Variants in CCDC68 observed in about 807,000 individuals in gnomAD.
CCDC68 encodes the protein coiled-coil domain containing 68.
A neutral mutation model predicts 47.1 loss-of-function variants in CCDC68; 45 were observed. The ratio of observed to expected loss-of-function variants is 0.96; its 90% confidence interval spans 0.75 to 1.23. CCDC68 has a LOEUF of 1.23. CCDC68 is among the 50% of genes most tolerant of loss of function. The pLI is 0.00. For missense variants in CCDC68, 353 were observed against 373.6 expected, an observed-to-expected ratio of 0.94 and a Z score of 0.45; for synonymous variants, 131 against 129.5, an observed-to-expected ratio of 1.01 and a Z score of -0.08.
At chr18:54,950,030 T>C (rs1173151131) in intron 1 of CCDC68, among the ~76,000 whole-genome samples, 1 of 152,166 alleles carries the variant, frequency 6.6e-6, no homozygotes, top group Non-Finnish European at 1.5e-5. Flanking sequence ...GATCCTCCCA[T>C]TTTCCAAACC....
chr18:54,933,229 G>A (rs961874467), intron 7 of CCDC68, among the ~76,000 whole-genome samples: 152 of 152,008 alleles, frequency 1.0e-3, no homozygotes, highest in African/African-American at 3.6e-3. Context: ...CTAAAGGTGC[G>A]TGCCACCATG....
At chr18:54,910,865 C>G (rs72928824) in intron 10 of CCDC68, among the ~76,000 whole-genome samples, 23,175 of 152,260 alleles carry the variant, frequency 0.15, 1,944 homozygotes, top group Non-Finnish European at 0.18. Context: ...AGGGTGCCAA[C>G]AGCAGGGAGA....
intron 1 of CCDC68, among the ~76,000 whole-genome samples, chr18:54,957,780 T>C (rs2044739972): frequency 6.6e-6 from 1 of 152,210 alleles, no homozygotes; most frequent in Non-Finnish European, 1.5e-5. Context: ...TAAATAGCCA[T>C]ATAATTTTGA....
At chr18:54,948,174 G>A (rs539864225) in intron 1 of CCDC68, among the ~76,000 whole-genome samples, 1 of 152,232 alleles carries the variant, frequency 6.6e-6, no homozygotes, top group South Asian at 2.1e-4. Context: ...TAAAAATAGG[G>A]TTTTGCAGGT....
intron 10 of CCDC68, among the ~76,000 whole-genome samples, chr18:54,916,645 T>A (rs901018131): frequency 6.6e-6 from 1 of 152,098 alleles, no homozygotes; most frequent in African/African-American, 2.4e-5. Context: ...GTGGAGGTGC[T>A]GTGGGGTCTT....
chr18:54,907,075 C>T (rs757875960), intron 11 of CCDC68, among the ~76,000 whole-genome samples: 12 of 152,068 alleles, frequency 7.9e-5, no homozygotes, highest in Non-Finnish European at 1.5e-4. Flanking sequence ...TGCTAGAAGA[C>T]GAAGTTTTTA....
intron 7 of CCDC68, among the ~76,000 whole-genome samples, chr18:54,930,045 T>C (rs2145495416): frequency 6.6e-6 from 1 of 152,342 alleles, no homozygotes; most frequent in East Asian, 1.9e-4. Context: ...TGCATGTAAA[T>C]TTGTAGATTT....
chr18:54,914,762 G>A (rs1325929790), intron 10 of CCDC68, among the ~76,000 whole-genome samples: 1 of 152,040 alleles, frequency 6.6e-6, no homozygotes, highest in Non-Finnish European at 1.5e-5. Context: ...AGAGGAGAGG[G>A]ACATACGTAT....
At chr18:54,912,088 T>C (rs1914402436) in intron 10 of CCDC68, among the ~76,000 whole-genome samples, 1 of 152,218 alleles carries the variant, frequency 6.6e-6, no homozygotes, top group Non-Finnish European at 1.5e-5. Context: ...AATTTTTGCA[T>C]ACTTAATATT....
chr18:54,918,195 C>G (rs769843271), intron 9 of CCDC68, among the ~76,000 whole-genome samples, 199 bp from the exon 10 acceptor site: 2 of 152,244 alleles, frequency 1.3e-5, no homozygotes, highest in Non-Finnish European at 2.9e-5. Flanking sequence ...AAGCCCTCAG[C>G]TGGTGCCGTG....
At chr18:54,905,793 G>A (rs1201245522) in intron 11 of CCDC68, among the ~76,000 whole-genome samples, 3 of 152,090 alleles carry the variant, frequency 2.0e-5, no homozygotes, top group Non-Finnish European at 4.4e-5. Flanking sequence ...GGTGAGCAGT[G>A]GGCAAGAGGG....
intron 4 of CCDC68, among the ~76,000 whole-genome samples, chr18:54,939,709 C>T (rs577868047): frequency 6.6e-6 from 1 of 152,270 alleles, no homozygotes; most frequent in East Asian, 1.9e-4. Context: ...GGCCCATGGA[C>T]ATTATTTGAC....
rs1914103204 is a variant in CCDC68 at position 54,907,821 on chromosome 18, A to G, written c.915T>C (p.Thr305=). The stretch of plus-strand genomic sequence containing the variant: ...CAGCCTTAGATACCTTTGTCCTAGG[A>G]GTTTCAGATGAAAGTGCTACCTGGG... ...LKTQVALSSE[T]PRTKVSKAVS... Residue 305 remains threonine (T), a synonymous_variant, in exon 11 of 12, where the codon ACT becomes ACC. Coordinates refer to ENST00000591504, the MANE Select transcript of CCDC68 (RefSeq NM_025214.3). The G allele has an allele frequency of 6.2e-7, 1 of 1,609,266 alleles. No homozygotes were observed. The highest frequency in any genetic ancestry group is 1.3e-5 in the African/African-American group (1 of 74,964).
intron 4 of CCDC68, among the ~76,000 whole-genome samples, chr18:54,938,653 C>T (rs566142782): frequency 1.1e-4 from 17 of 152,338 alleles, no homozygotes; most frequent in Admixed American, 9.8e-4. Context: ...CGTGGACACA[C>T]GGAGGTGGAT....
At chr18:54,934,541 C>T (rs2044311856) in intron 7 of CCDC68, among the ~76,000 whole-genome samples, 1 of 152,114 alleles carries the variant, frequency 6.6e-6, no homozygotes, top group Non-Finnish European at 1.5e-5. Context: ...ACCTGGTTCC[C>T]CTTTCTAAGT....
intron 3 of CCDC68, among the ~76,000 whole-genome samples, chr18:54,941,695 A>T (rs1017288242): frequency 6.6e-6 from 1 of 152,228 alleles, no homozygotes; most frequent in Non-Finnish European, 1.5e-5. Context: ...TAATCCAAAA[A>T]GGTAAAATAT....
chr18:54,914,691 A>G (rs560548316), intron 10 of CCDC68, among the ~76,000 whole-genome samples: 4 of 152,326 alleles, frequency 2.6e-5, no homozygotes, highest in African/African-American at 2.4e-5. Flanking sequence ...CTCTAAGACA[A>G]CACTGAGAGG....
chr18:54,904,377 A>G lies in CCDC68; in HGVS notation c.989T>C (p.Leu330Ser). 3 of 1,613,402 alleles carry G rather than the reference A, an allele frequency of 1.9e-6. No homozygotes were observed. Among genetic ancestry groups the G allele is most frequent in the Non-Finnish European group, 2.5e-6 (3 of 1,179,374 alleles). ...KTEGVSPYLM[L>S]IRLRK ...GCCAGTTCATTTCCGTAACCTAATCAACATTAAATAAGGGGAAACACCTTC... is the reference window on the plus strand; with the variant it reads ...GCCAGTTCATTTCCGTAACCTAATCGACATTAAATAAGGGGAAACACCTTC... Residue 330 changes from leucine to serine, a missense_variant, in exon 12 of 12, where the codon TTG (leucine) becomes TCG (serine). By Grantham distance (145) the Leu-to-Ser change is moderately radical (BLOSUM62 -2). Transcript: ENST00000591504.
chr18:54,913,844 A>T (rs1459696030), intron 10 of CCDC68, among the ~76,000 whole-genome samples: 1 of 152,154 alleles, frequency 6.6e-6, no homozygotes, highest in Non-Finnish European at 1.5e-5. Flanking sequence ...AAAATAAAAT[A>T]AAATAAAATA....
Sources: allele counts gnomAD v4.1 joint callset (sites outside exome capture counted in the v4.1 genomes callset), GRCh38; gene constraint gnomAD v4.1.1; transcripts MANE v1.5; gene names NCBI Gene and HGNC (gene_info 2026-07-23, HGNC 2026-07-21).